Variants in C2orf76 observed in about 807,000 individuals in gnomAD.
C2orf76 encodes the protein UPF0538 protein C2orf76.
Under a neutral mutation model 16.9 loss-of-function variants are expected in C2orf76, and 23 were observed. That is an observed-to-expected ratio of 1.36 (90% CI 0.98 to 1.93). The LOEUF is 1.93. Ranked by LOEUF, C2orf76 falls within the 30% of genes most tolerant of loss-of-function variation. The pLI, the probability that C2orf76 is intolerant of heterozygous loss-of-function variation, is 0.00. For missense variants in C2orf76, 152 were observed against 152.6 expected, an observed-to-expected ratio of 1.00 and a Z score of 0.02; for synonymous variants, 48 against 52.3, an observed-to-expected ratio of 0.92 and a Z score of 0.35.
chr2:119,295,081 G>A, the C2orf76 span, among the ~76,000 whole-genome samples: 1 of 152,176 alleles, frequency 6.6e-6, no homozygotes, highest in Admixed American at 6.5e-5. Context: ...GGACTAGGGT[G>A]CAGTTATTAA....
chr2:119,349,764 G>C (rs1268061213), intron 1 of C2orf76, among the ~76,000 whole-genome samples: 1 of 151,984 alleles, frequency 6.6e-6, no homozygotes, highest in Non-Finnish European at 1.5e-5. Context: ...CTGAGCCATG[G>C]GCCCCCTCTG....
At chr2:119,287,119 C>T in the C2orf76 span, among the ~76,000 whole-genome samples, 1 of 152,136 alleles carries the variant, frequency 6.6e-6, no homozygotes, top group Non-Finnish European at 1.5e-5. Context: ...ATAACTAGTA[C>T]CTACCTCACA....
At chr2:119,342,962 G>T (rs914603243) in intron 1 of C2orf76, among the ~76,000 whole-genome samples, 4 of 152,090 alleles carry the variant, frequency 2.6e-5, no homozygotes, top group African/African-American at 9.7e-5. Context: ...TAGAGATGGG[G>T]TTTCACCATG....
chr2:119,314,939 C>T (rs760118002), intron 4 of C2orf76, among the ~76,000 whole-genome samples: 57 of 152,082 alleles, frequency 3.7e-4, no homozygotes, highest in Admixed American at 6.6e-4. Flanking sequence ...GAGAGGAGTT[C>T]ACTTTAATGG....
At chr2:119,302,607 G>C (rs1678649619) in intron 5 of C2orf76, 59 bp from the exon 6 acceptor site, 1 of 1,047,622 alleles carries the variant, frequency 9.5e-7, no homozygotes, top group East Asian at 2.8e-5. Flanking sequence ...TTTTAAACAA[G>C]TATGGAAATC....
chr2:119,350,672 T>C (rs1290819902), intron 1 of C2orf76, among the ~76,000 whole-genome samples: 1 of 152,192 alleles, frequency 6.6e-6, no homozygotes, highest in Admixed American at 6.5e-5. Context: ...TTGGAAGCTT[T>C]GAGACCCCAT....
intron 2 of C2orf76, among the ~76,000 whole-genome samples, chr2:119,339,524 A>G (rs1177235860): frequency 6.6e-6 from 1 of 151,434 alleles, no homozygotes; most frequent in Non-Finnish European, 1.5e-5. Flanking sequence ...TTGCTAATCA[A>G]CCTCCAAATA....
chr2:119,337,377 GCTT>G (rs1679884403), intron 2 of C2orf76, among the ~76,000 whole-genome samples: 1 of 152,008 alleles, frequency 6.6e-6, no homozygotes, highest in Non-Finnish European at 1.5e-5. Context: ...GGCCAGGCAA[GCTT>G]CTTAACCCCT....
chr2:119,281,853 A>C, the C2orf76 span, among the ~76,000 whole-genome samples: 1 of 152,056 alleles, frequency 6.6e-6, no homozygotes, highest in Non-Finnish European at 1.5e-5. Context: ...CCTCTTCCTC[A>C]CTCAACCAGA....
chr2:119,286,179 T>A, the C2orf76 span, among the ~76,000 whole-genome samples: 1 of 132,030 alleles, frequency 7.6e-6, no homozygotes, highest in Admixed American at 9.0e-5. Context: ...TGAGCCAAGA[T>A]CATGCCGCCG....
At chr2:119,343,475 T>TACACACACAC (rs59651595) in intron 1 of C2orf76, among the ~76,000 whole-genome samples, 1 of 145,966 alleles carries the variant, frequency 6.9e-6, no homozygotes, top group South Asian at 2.2e-4. Flanking sequence ...CACCTATACC[T>TACACACACAC]ACACACACAC....
intron 1 of C2orf76, among the ~76,000 whole-genome samples, chr2:119,345,835 G>C (rs1484311559): frequency 1.3e-5 from 2 of 152,088 alleles, no homozygotes; most frequent in Non-Finnish European, 2.9e-5. Flanking sequence ...GCCGAGGCCC[G>C]CGGATCACAA....
chr2:119,348,134 T>C (rs1680265592), intron 1 of C2orf76, among the ~76,000 whole-genome samples: 1 of 152,020 alleles, frequency 6.6e-6, no homozygotes, highest in Non-Finnish European at 1.5e-5. Context: ...ATTCCATTTG[T>C]AAATGCTTGA....
intron 1 of C2orf76, among the ~76,000 whole-genome samples, chr2:119,347,150 G>A (rs1283225567): frequency 6.6e-6 from 1 of 152,194 alleles, no homozygotes; most frequent in South Asian, 2.1e-4. Flanking sequence ...CAACATTAGT[G>A]AATGAATCGA....
intron 5 of C2orf76, among the ~76,000 whole-genome samples, chr2:119,309,934 T>A (rs1026690675): frequency 1.8e-4 from 28 of 152,188 alleles, no homozygotes; most frequent in Non-Finnish European, 2.6e-4. Context: ...TTTTAAAAAA[T>A]TTTTTTACAT....
At chr2:119,282,498 A>G in the C2orf76 span, among the ~76,000 whole-genome samples, 1 of 152,148 alleles carries the variant, frequency 6.6e-6, no homozygotes, top group South Asian at 2.1e-4. Flanking sequence ...ATTTTCATGC[A>G]TTTATTCTTT....
the C2orf76 span, among the ~76,000 whole-genome samples, chr2:119,287,990 T>C: frequency 1.6e-4 from 25 of 151,994 alleles, 1 homozygote; most frequent in East Asian, 4.8e-3. Context: ...AGGGCAGTGG[T>C]GGGTGATGAC....
chr2:119,319,937 A>G (rs925170406), intron 3 of C2orf76, among the ~76,000 whole-genome samples: 6 of 152,234 alleles, frequency 3.9e-5, no homozygotes, highest in Non-Finnish European at 7.3e-5. Flanking sequence ...AGCCAAGTTC[A>G]GACAAAGCCA....
At chr2:119,339,767 G>C in intron 2 of C2orf76, 60 bp downstream of exon 2, 1 of 1,466,818 alleles carries the variant, frequency 6.8e-7, no homozygotes, top group Non-Finnish European at 9.4e-7. Context: ...TATTATTAAT[G>C]TCATAGTCAG....
Sources: allele counts gnomAD v4.1 joint callset (sites outside exome capture counted in the v4.1 genomes callset), GRCh38; gene constraint gnomAD v4.1.1; transcripts MANE v1.5; gene names NCBI Gene and HGNC (gene_info 2026-07-23, HGNC 2026-07-21).